The following ARFIP1 variants were observed in gnomAD, a reference collection of about 807,000 sequenced individuals.
ARFIP1 encodes the protein arfaptin-1.
ARFIP1 carries 24 observed loss-of-function variants against 42.5 expected under a neutral mutation model. The ratio of observed to expected loss-of-function variants is 0.57; its 90% confidence interval spans 0.41 to 0.80. The LOEUF is 0.80. Ranked by LOEUF, ARFIP1 falls within the 30% of genes least tolerant of loss-of-function variation. ARFIP1 has a pLI of 0.00. For synonymous variants in ARFIP1, 141 were observed against 153.7 expected (o/e 0.92, Z 0.61); for missense variants, 354 against 434.0 (o/e 0.82, Z 1.64).
chr4:152,880,568 T>C (rs768537700), intron 5 of ARFIP1, among the ~76,000 whole-genome samples: 4 of 152,270 alleles, frequency 2.6e-5, no homozygotes, highest in South Asian at 2.1e-4. Context: ...AGGGGGAAGA[T>C]AGAAGTAAAA....
chr4:152,905,570 T>TTTTTTTTTTTTTTTG (rs1738277724), intron 8 of ARFIP1, among the ~76,000 whole-genome samples: 1 of 139,150 alleles, frequency 7.2e-6, no homozygotes, highest in African/African-American at 2.6e-5. Context: ...TTTTTTTTTT[T>TTTTTTTTTTTTTTTG]GAGATGGAGT....
intron 1 of ARFIP1, among the ~76,000 whole-genome samples, chr4:152,814,502 G>A (rs1379040849): frequency 6.6e-6 from 1 of 152,028 alleles, no homozygotes; most frequent in South Asian, 2.1e-4. Context: ...TTGAATCTAG[G>A]AGTTTGAGAC....
chr4:152,865,830 C>T (rs1186054854), intron 3 of ARFIP1, among the ~76,000 whole-genome samples: 1 of 151,954 alleles, frequency 6.6e-6, no homozygotes, highest in Non-Finnish European at 1.5e-5. Context: ...ATTTAAATGT[C>T]AACATAGAAT....
chr4:152,874,445 A>G (rs1362317920), intron 5 of ARFIP1, among the ~76,000 whole-genome samples: 1 of 152,226 alleles, frequency 6.6e-6, no homozygotes, highest in African/African-American at 2.4e-5. Context: ...CTGTGGAGTT[A>G]ATAGTCCAGT....
intron 2 of ARFIP1, among the ~76,000 whole-genome samples, chr4:152,857,252 T>G (rs1308717574): frequency 6.6e-6 from 1 of 152,240 alleles, no homozygotes; most frequent in African/African-American, 2.4e-5. Flanking sequence ...AAATTACAGT[T>G]TGAGAACATA....
intron 8 of ARFIP1, among the ~76,000 whole-genome samples, chr4:152,902,508 C>T (rs1033876147): frequency 9.2e-5 from 14 of 151,694 alleles, no homozygotes; most frequent in Non-Finnish European, 1.3e-4. Flanking sequence ...TCTCGGGTCT[C>T]GGGGTGGGCG....
At chr4:152,829,906 G>C (rs1162444153) in intron 2 of ARFIP1, among the ~76,000 whole-genome samples, 180 bp downstream of exon 2, 1 of 152,068 alleles carries the variant, frequency 6.6e-6, no homozygotes, top group Admixed American at 6.6e-5. Context: ...TCAAGATTAA[G>C]CTCCAGGCCA....
chr4:152,785,448 G>A (rs912661747), intron 1 of ARFIP1, among the ~76,000 whole-genome samples: 8 of 152,248 alleles, frequency 5.3e-5, no homozygotes, highest in Non-Finnish European at 7.4e-5. Context: ...GTTTAAGCCC[G>A]TGATCTGTAA....
chr4:152,829,923 T>A (rs1731139407), intron 2 of ARFIP1, among the ~76,000 whole-genome samples, 197 bp downstream of exon 2: 1 of 152,134 alleles, frequency 6.6e-6, no homozygotes, highest in Non-Finnish European at 1.5e-5. Context: ...GCCAGTAAAC[T>A]ATTAGGCTTT....
At chr4:152,844,010 C>G (rs1306400478) in intron 2 of ARFIP1, among the ~76,000 whole-genome samples, 1 of 152,188 alleles carries the variant, frequency 6.6e-6, no homozygotes, top group Admixed American at 6.5e-5. Context: ...ACCCCCTGCT[C>G]CTCTGGTCAC....
intron 7 of ARFIP1, 87 bp from the exon 8 acceptor site, chr4:152,888,046 G>T: frequency 3.0e-6 from 3 of 997,650 alleles, no homozygotes; most frequent in Non-Finnish European, 4.4e-6. Flanking sequence ...TGTATAGTAT[G>T]AGACTGAATA....
intron 1 of ARFIP1, among the ~76,000 whole-genome samples, chr4:152,790,017 A>G (rs1198306798): frequency 2.0e-5 from 3 of 152,194 alleles, no homozygotes; most frequent in Admixed American, 1.3e-4. Flanking sequence ...TGCTGTTGGA[A>G]TGTCATTGCT....
At chr4:152,907,479 G>A (rs1368399814) in intron 8 of ARFIP1, among the ~76,000 whole-genome samples, 1 of 152,160 alleles carries the variant, frequency 6.6e-6, no homozygotes, top group African/African-American at 2.4e-5. Flanking sequence ...CATCCTTTGT[G>A]CTTTACCCTT....
Position 152,837,182 on chromosome 4 carries a change from A to G in ARFIP1, c.93+7456A>G, listed in dbSNP as rs184665084. ...AGTTTCTTTATATACTCATTGATTG[A>G]TAGGCATTTGGGTTGTTTCCATGAT... On this transcript the variant is annotated intron_variant, in intron 2 of 8. Coordinates refer to ENST00000353617, the MANE Select transcript of ARFIP1 (RefSeq NM_001025595.3). 3.2e-3 allele frequency among the ~76,000 whole-genome samples: 488 copies of G among 152,300 alleles called. 2 individuals are homozygous for G. Among genetic ancestry groups the G allele is most frequent in the Middle Eastern group, 0.01 (3 of 294 alleles).
chr4:152,788,036 G>A (rs1578797265), intron 1 of ARFIP1, among the ~76,000 whole-genome samples: 2 of 152,132 alleles, frequency 1.3e-5, no homozygotes, highest in Admixed American at 6.5e-5. Flanking sequence ...GACCAGCCTG[G>A]CCAACATGGT....
intron 1 of ARFIP1, among the ~76,000 whole-genome samples, chr4:152,791,572 A>G (rs1350363039): frequency 2.6e-5 from 4 of 152,166 alleles, no homozygotes; most frequent in Admixed American, 6.5e-5. Context: ...ATTTCTAAAA[A>G]TCCAGTAGGT....
At chr4:152,889,662 A>G (rs1736595259) in intron 8 of ARFIP1, among the ~76,000 whole-genome samples, 2 of 130,770 alleles carry the variant, frequency 1.5e-5, no homozygotes, top group African/African-American at 2.9e-5. Context: ...TAGTATATAT[A>G]CACTAATATA....
chr4:152,829,357 CATAACACT>C (rs1293485217), intron 1 of ARFIP1, among the ~76,000 whole-genome samples: 1 of 152,036 alleles, frequency 6.6e-6, no homozygotes, highest in Non-Finnish European at 1.5e-5. Flanking sequence ...GGTGTTCTAT[CATAACACT>C]ATTTAAGAGG....
chr4:152,889,293 C>A (rs1006000837), intron 8 of ARFIP1, among the ~76,000 whole-genome samples: 2 of 151,398 alleles, frequency 1.3e-5, no homozygotes, highest in Admixed American at 6.6e-5. Context: ...TAATATATTT[C>A]TTTGGGATCC....
Sources: allele counts gnomAD v4.1 joint callset (sites outside exome capture counted in the v4.1 genomes callset), GRCh38; gene constraint gnomAD v4.1.1; transcripts MANE v1.5; gene names NCBI Gene and HGNC (gene_info 2026-07-23, HGNC 2026-07-21).